Variants in EBF1 observed in about 807,000 individuals in gnomAD.
EBF1 encodes the protein transcription factor COE1.
EBF1 carries 10 observed loss-of-function variants against 68.4 expected under a neutral mutation model. The observed-to-expected ratio is 0.15, with a 90% CI of 0.09 to 0.25. The LOEUF is 0.25. Ranked by LOEUF, EBF1 falls within the 10% of genes least tolerant of loss-of-function variation. EBF1 has a pLI of 1.00. For missense variants in EBF1, 509 were observed against 794.4 expected, an observed-to-expected ratio of 0.64 and a Z score of 4.32; for synonymous variants, 298 against 299.8, an observed-to-expected ratio of 0.99 and a Z score of 0.06.
chr5:158,825,603 T>C (rs1235233397), intron 7 of EBF1, among the ~76,000 whole-genome samples: 1 of 151,960 alleles, frequency 6.6e-6, no homozygotes, highest in African/African-American at 2.4e-5. Flanking sequence ...TAATCCTACA[T>C]TGAACAAAAA....
intron 1 of EBF1, among the ~76,000 whole-genome samples, chr5:159,098,202 G>T (rs986757730): frequency 6.6e-6 from 1 of 152,246 alleles, no homozygotes; most frequent in African/African-American, 2.4e-5. Context: ...GTGGCTTAAT[G>T]GGGGGAAAAA....
At chr5:159,049,701 T>C (rs17645325) in intron 6 of EBF1, among the ~76,000 whole-genome samples, 14,090 of 152,272 alleles carry the variant, frequency 0.093, 719 homozygotes, top group Non-Finnish European at 0.12. Flanking sequence ...GGAGTTAAGA[T>C]AGTTGGTTCT....
chr5:158,846,645 T>C (rs1254548231), intron 6 of EBF1, among the ~76,000 whole-genome samples: 1 of 152,176 alleles, frequency 6.6e-6, no homozygotes, highest in South Asian at 2.1e-4. Context: ...CTATTTTCAA[T>C]GTCAAAGAAA....
At chr5:158,753,547 G>A (rs562764935) in intron 10 of EBF1, among the ~76,000 whole-genome samples, 2 of 152,056 alleles carry the variant, frequency 1.3e-5, no homozygotes, top group African/African-American at 4.8e-5. Context: ...GAAGTGTCTC[G>A]ACCACACCAA....
intron 10 of EBF1, among the ~76,000 whole-genome samples, chr5:158,764,162 C>T (rs1392314360): frequency 6.6e-6 from 1 of 152,110 alleles, no homozygotes; most frequent in Non-Finnish European, 1.5e-5. Flanking sequence ...AGAATTTGGG[C>T]CAGGATTCAA....
chr5:158,931,937 G>T (rs1331106281), intron 6 of EBF1, among the ~76,000 whole-genome samples: 1 of 151,736 alleles, frequency 6.6e-6, no homozygotes, highest in Non-Finnish European at 1.5e-5. Context: ...TCTCTTCACA[G>T]TTTTTTTTGT....
intron 9 of EBF1, among the ~76,000 whole-genome samples, chr5:158,785,005 T>C (rs1777140431): frequency 6.6e-6 from 1 of 152,206 alleles, no homozygotes; most frequent in Admixed American, 6.5e-5. Context: ...CTGGGGACCC[T>C]AAAGCACTTT....
At chr5:158,812,853 C>T (rs1335239989) in intron 8 of EBF1, among the ~76,000 whole-genome samples, 1 of 152,112 alleles carries the variant, frequency 6.6e-6, no homozygotes, top group Non-Finnish European at 1.5e-5. Context: ...GACATGCAGA[C>T]CCTACTTGTT....
intron 6 of EBF1, among the ~76,000 whole-genome samples, chr5:158,869,455 C>T (rs894612758): frequency 6.6e-6 from 1 of 152,106 alleles, no homozygotes; most frequent in Admixed American, 6.6e-5. Flanking sequence ...CGCCCCCGAC[C>T]TTTTAACATC....
At chr5:158,975,602 T>A (rs963181739) in intron 6 of EBF1, among the ~76,000 whole-genome samples, 2 of 152,178 alleles carry the variant, frequency 1.3e-5, no homozygotes, top group African/African-American at 4.8e-5. Context: ...CTGAAAGATT[T>A]CAGGCATCTG....
intron 6 of EBF1, among the ~76,000 whole-genome samples, chr5:158,926,975 T>C (rs1316770335): frequency 6.6e-6 from 1 of 152,204 alleles, no homozygotes; most frequent in East Asian, 1.9e-4. Context: ...ATGCAATGAA[T>C]GCCAAGAAAT....
Position 158,833,728 on chromosome 5 carries a change from C to T in EBF1, c.636+6301G>A, listed in dbSNP as rs1472241905. On this transcript the variant is annotated intron_variant, in intron 7 of 15. Coordinates refer to ENST00000313708, the MANE Select transcript of EBF1 (RefSeq NM_024007.5). ...AATAACCTCAAGGACAACACCTGCT[C>T]GTCAACCAGGAACACCTGCCTTGTA... 3.9e-5 allele frequency among the ~76,000 whole-genome samples: 6 copies of T among 152,182 alleles called. No homozygotes were observed. In the East Asian group the frequency reaches 7.7e-4, roughly 20 times the overall value.
intron 6 of EBF1, among the ~76,000 whole-genome samples, chr5:158,909,498 C>T (rs1330381566): frequency 3.3e-5 from 5 of 152,150 alleles, no homozygotes; most frequent in Non-Finnish European, 7.3e-5. Context: ...GTTATACATA[C>T]TTAATTAAGG....
At chr5:158,706,996 T>C (rs1758001986) in intron 15 of EBF1, among the ~76,000 whole-genome samples, 1 of 152,232 alleles carries the variant, frequency 6.6e-6, no homozygotes, top group Non-Finnish European at 1.5e-5. Context: ...TTAGGAACCC[T>C]GGCTATGTCT....
chr5:158,974,300 C>T (rs994509563), intron 6 of EBF1, among the ~76,000 whole-genome samples: 2 of 152,112 alleles, frequency 1.3e-5, no homozygotes, highest in Admixed American at 6.5e-5. Context: ...ATTACCTAAA[C>T]CTTTGGTAAC....
intron 6 of EBF1, among the ~76,000 whole-genome samples, chr5:158,918,523 G>A (rs1292030721): frequency 6.8e-6 from 1 of 147,216 alleles, no homozygotes; most frequent in Non-Finnish European, 1.5e-5. Context: ...GAATTAGTAA[G>A]AGATAAAGAG....
intron 14 of EBF1, 64 bp downstream of exon 14, chr5:158,712,090 A>G: frequency 1.3e-6 from 2 of 1,582,862 alleles, no homozygotes; most frequent in Non-Finnish European, 1.7e-6. Flanking sequence ...ACTGGGCCAC[A>G]TGGCATGATG....
At chr5:159,084,501 A>T (rs377011717) in intron 5 of EBF1, among the ~76,000 whole-genome samples, 165 bp downstream of exon 5, 54 of 151,802 alleles carry the variant, frequency 3.6e-4, no homozygotes, top group African/African-American at 1.3e-3. Context: ...GATGCCTGAC[A>T]CTTTACTACC....
At chr5:158,827,647 C>T (rs1366366532) in intron 7 of EBF1, among the ~76,000 whole-genome samples, 1 of 152,158 alleles carries the variant, frequency 6.6e-6, no homozygotes, top group Non-Finnish European at 1.5e-5. Flanking sequence ...TATGTCCTAA[C>T]TCTATTATCT....
Sources: allele counts gnomAD v4.1 joint callset (sites outside exome capture counted in the v4.1 genomes callset), GRCh38; gene constraint gnomAD v4.1.1; transcripts MANE v1.5; gene names NCBI Gene and HGNC (gene_info 2026-07-23, HGNC 2026-07-21).